SYCP1: variants seen among roughly 807,000 people sequenced by gnomAD.
SYCP1 encodes the protein cancer/testis antigen 8.
SYCP1 carries 64 observed loss-of-function variants against 153.1 expected under a neutral mutation model. The ratio of observed to expected loss-of-function variants is 0.42; its 90% CI spans 0.34 to 0.51. The LOEUF (loss-of-function observed/expected upper bound fraction) is 0.51, where lower values mean the gene tolerates loss of function less well. Ranked by LOEUF, SYCP1 falls within the 20% of genes least tolerant of loss-of-function variation. SYCP1 has a pLI of 0.06. For synonymous variants in SYCP1, 384 were observed against 341.8 expected (o/e 1.12, Z -1.36); for missense variants, 997 against 1,049.0 (o/e 0.95, Z 0.68).
intron 12 of SYCP1, 119 bp downstream of exon 12, chr1:114,878,321 A>G (rs1332104488): frequency 1.5e-6 from 1 of 683,644 alleles, no homozygotes; most frequent in Non-Finnish European, 2.4e-6. Context: ...TCTCAATCTG[A>G]GTTGGTTCGG....
chr1:114,933,638 A>G (rs1316032039), intron 23 of SYCP1, among the ~76,000 whole-genome samples: 1 of 152,236 alleles, frequency 6.6e-6, no homozygotes, highest in Non-Finnish European at 1.5e-5. Context: ...CCCATTGCAA[A>G]GAAGCTAAAA....
intron 12 of SYCP1, among the ~76,000 whole-genome samples, chr1:114,882,804 T>G (rs1666046411): frequency 6.6e-6 from 1 of 152,192 alleles, no homozygotes. Context: ...TAAGGCAGCT[T>G]GAACGCTTGG....
rs368661745 is a variant in SYCP1 at position 114,904,920 on chromosome 1, T to C, written c.1321-5477T>C. On this transcript the variant is annotated intron_variant, in intron 16 of 31. Coordinates refer to ENST00000369522, the MANE Select transcript of SYCP1 (RefSeq NM_003176.4). ...ATTGAAGTTGAATTGTGTGAAACGC[T>C]TTTTCTGTGTCAATTTATATGATCA... Among the ~76,000 whole-genome samples, 19 of 152,348 alleles carry C rather than the reference T, an allele frequency of 1.2e-4. No homozygotes were observed. In the South Asian group the frequency reaches 3.9e-3, roughly 32 times the overall value.
At chr1:114,922,827 G>T (rs1267626715) in intron 20 of SYCP1, among the ~76,000 whole-genome samples, 4 of 152,094 alleles carry the variant, frequency 2.6e-5, no homozygotes. Context: ...TCTCATCTGA[G>T]ACAAGGCAAA....
chr1:114,935,709 T>C (rs1030424473), intron 23 of SYCP1, among the ~76,000 whole-genome samples: 1 of 151,950 alleles, frequency 6.6e-6, no homozygotes, highest in Non-Finnish European at 1.5e-5. Context: ...CAATAAAAAA[T>C]GATAAAGGGG....
chr1:114,994,106 G>T (rs1252829443), intron 30 of SYCP1, among the ~76,000 whole-genome samples: 1 of 150,528 alleles, frequency 6.6e-6, no homozygotes, highest in African/African-American at 2.4e-5. Flanking sequence ...ACCACATTTT[G>T]CTTATTTATT....
rs1374971974 is a variant in SYCP1 at position 114,982,419 on chromosome 1, AT to A, written c.2559+915del. ...AGTCTCTGAGACTTTGTTTTTCTTCATTTTTTTTCTATTCCATATCAGTTGA... is the reference window on the plus strand; with the variant it reads ...AGTCTCTGAGACTTTGTTTTTCTTCATTTTTTTCTATTCCATATCAGTTGA... On this transcript the variant is annotated intron_variant, in intron 29 of 31. Transcript: ENST00000369522. 4.0e-5 allele frequency among the ~76,000 whole-genome samples: 6 copies of A among 150,544 alleles called. No homozygotes were observed. The South Asian group carries it at 8.4e-4, about 21-fold the overall frequency.
intron 6 of SYCP1, among the ~76,000 whole-genome samples, chr1:114,859,446 T>C (rs760099322): frequency 7.2e-5 from 11 of 152,214 alleles, no homozygotes; most frequent in African/African-American, 2.7e-4. Context: ...AATGTGACAT[T>C]GTATTAGGAC....
At chr1:114,856,537 G>T in intron 2 of SYCP1, 36 bp from the exon 3 acceptor site, 1 of 1,477,352 alleles carries the variant, frequency 6.8e-7, no homozygotes, top group South Asian at 1.2e-5. Flanking sequence ...AGAGTGGTAT[G>T]AAACAGAATA....
At chr1:114,916,323 G>A (rs1436888231) in intron 20 of SYCP1, among the ~76,000 whole-genome samples, 3 of 151,964 alleles carry the variant, frequency 2.0e-5, no homozygotes, top group Non-Finnish European at 4.4e-5. Flanking sequence ...TAGTAAACAT[G>A]TTGGCACATA....
intron 8 of SYCP1, among the ~76,000 whole-genome samples, chr1:114,862,200 C>T (rs1664427575): frequency 6.6e-6 from 1 of 152,066 alleles, no homozygotes; most frequent in South Asian, 2.1e-4. Flanking sequence ...TCTACTATAT[C>T]CTATGTACTC....
intron 30 of SYCP1, among the ~76,000 whole-genome samples, chr1:114,985,897 C>T (rs1183624460): frequency 2.1e-5 from 3 of 140,128 alleles, no homozygotes; most frequent in African/African-American, 7.8e-5. Flanking sequence ...CAACCAACTA[C>T]AGGCCAAAAA....
chr1:114,991,832 G>T (rs930383705), intron 30 of SYCP1, among the ~76,000 whole-genome samples: 1 of 151,650 alleles, frequency 6.6e-6, no homozygotes, highest in Non-Finnish European at 1.5e-5. Flanking sequence ...ATAATAGAAG[G>T]CATTCAGATG....
intron 29 of SYCP1, among the ~76,000 whole-genome samples, chr1:114,982,456 G>A (rs1321912136): frequency 6.6e-6 from 1 of 151,536 alleles, no homozygotes; most frequent in African/African-American, 2.4e-5. Context: ...ATTATATTCA[G>A]GCTCATGGAT....
rs12087344 is a variant in SYCP1 at position 114,877,741 on chromosome 1, C to T, written c.802-353C>T. On this transcript the variant is annotated intron_variant, in intron 11 of 31. Coordinates refer to ENST00000369522, the MANE Select transcript of SYCP1 (RefSeq NM_003176.4). ...CTAAATTCTTGCTTGTGGATATAAA[C>T]TTGGCTGATGGCATTCTGGAGCTGA... 4.9e-3 allele frequency among the ~76,000 whole-genome samples: 740 copies of T among 152,238 alleles called. 8 individuals are homozygous for T. Among genetic ancestry groups the T allele is most frequent in the African/African-American group, 0.017 (692 of 41,536 alleles).
At chr1:114,907,432 T>C (rs538189314) in intron 16 of SYCP1, among the ~76,000 whole-genome samples, 26 of 152,278 alleles carry the variant, frequency 1.7e-4, no homozygotes, top group African/African-American at 5.8e-4. Flanking sequence ...TATTTGAATA[T>C]TTTTTGGCAT....
At chr1:114,984,348 T>C (rs1673359901) in intron 29 of SYCP1, among the ~76,000 whole-genome samples, 1 of 152,118 alleles carries the variant, frequency 6.6e-6, no homozygotes. Context: ...AGGTGTTTTG[T>C]AGAGAGAGCA....
intron 12 of SYCP1, among the ~76,000 whole-genome samples, chr1:114,882,043 A>G (rs1189422679): frequency 6.6e-6 from 1 of 152,108 alleles, no homozygotes; most frequent in Admixed American, 6.6e-5. Flanking sequence ...TTTCTGAGTA[A>G]GAAAAAAACG....
chr1:114,989,101 G>T (rs917320740), intron 30 of SYCP1, among the ~76,000 whole-genome samples: 3 of 151,824 alleles, frequency 2.0e-5, no homozygotes, highest in African/African-American at 7.3e-5. Context: ...TGGGAGGTCA[G>T]GGATGCAGTG....
Sources: allele counts gnomAD v4.1 joint callset (sites outside exome capture counted in the v4.1 genomes callset), GRCh38; gene constraint gnomAD v4.1.1; transcripts MANE v1.5; gene names NCBI Gene and HGNC (gene_info 2026-07-23, HGNC 2026-07-21).